The following RSRC1 variants were observed in gnomAD, a reference collection of about 807,000 sequenced individuals.
RSRC1 encodes the protein serine/Arginine-related protein 53.
In RSRC1, 39 loss-of-function variants were observed where a neutral mutation model predicts 49.1. The observed-to-expected ratio is 0.79, with a 90% confidence interval of 0.61 to 1.04. The LOEUF (loss-of-function observed/expected upper bound fraction) is 1.04, where lower values mean the gene tolerates loss of function less well. RSRC1 is among the 50% of genes least tolerant of loss of function. The pLI, the probability that RSRC1 is intolerant of heterozygous loss-of-function variation, is 0.00. For synonymous variants in RSRC1, 143 were observed against 130.8 expected (o/e 1.09, Z -0.63); for missense variants, 388 against 402.4 (o/e 0.96, Z 0.31).
At chr3:158,394,189 C>T (rs113849803) in intron 6 of RSRC1, among the ~76,000 whole-genome samples, 33,064 of 151,974 alleles carry the variant, frequency 0.22, 4,210 homozygotes, top group Non-Finnish European at 0.29. Flanking sequence ...AAACCCACAG[C>T]CAACATCATA....
intron 3 of RSRC1, among the ~76,000 whole-genome samples, chr3:158,162,829 C>T (rs1718312384): frequency 6.6e-6 from 1 of 151,972 alleles, no homozygotes; most frequent in Admixed American, 6.6e-5. Flanking sequence ...AGGAGTAGGG[C>T]AGTAAAAAGG....
intron 7 of RSRC1, among the ~76,000 whole-genome samples, chr3:158,494,779 A>G (rs1035579167): frequency 6.6e-6 from 1 of 152,176 alleles, no homozygotes; most frequent in South Asian, 2.1e-4. Context: ...CAGGGTCAGA[A>G]TTGTCAATAT....
At chr3:158,153,262 AC>A (rs1488813355) in intron 3 of RSRC1, among the ~76,000 whole-genome samples, 1 of 152,008 alleles carries the variant, frequency 6.6e-6, no homozygotes, top group Non-Finnish European at 1.5e-5. Flanking sequence ...GTGATCTGCA[AC>A]TCTTTCTCTT....
chr3:158,209,637 A>T (rs1460311515), intron 4 of RSRC1, among the ~76,000 whole-genome samples: 1 of 152,112 alleles, frequency 6.6e-6, no homozygotes, highest in Non-Finnish European at 1.5e-5. Flanking sequence ...TTGGATTTTC[A>T]GTAGATGGAT....
chr3:158,313,620 A>G (rs894855371), intron 5 of RSRC1, among the ~76,000 whole-genome samples: 1 of 152,230 alleles, frequency 6.6e-6, no homozygotes, highest in African/African-American at 2.4e-5. Context: ...ACACGTATGA[A>G]AATTTTTTCA....
chr3:158,348,429 A>G (rs1441596300), intron 5 of RSRC1, among the ~76,000 whole-genome samples: 1 of 152,182 alleles, frequency 6.6e-6, no homozygotes, highest in South Asian at 2.1e-4. Context: ...GAATCTAGAT[A>G]TGCAGTAATT....
At chr3:158,201,957 CTTTG>C (rs1721072283) in intron 3 of RSRC1, among the ~76,000 whole-genome samples, 1 of 151,892 alleles carries the variant, frequency 6.6e-6, no homozygotes, top group Non-Finnish European at 1.5e-5. Context: ...AAAAATGTAC[CTTTG>C]TTTATTTTTT....
chr3:158,515,522 G>C (rs1236314522), intron 7 of RSRC1, among the ~76,000 whole-genome samples: 2 of 136,452 alleles, frequency 1.5e-5, no homozygotes, highest in East Asian at 4.0e-4. Context: ...CTCTCTGGCT[G>C]CCCTTAACAT....
At chr3:158,542,076 T>C (rs1189458378) in intron 8 of RSRC1, among the ~76,000 whole-genome samples, 1 of 152,066 alleles carries the variant, frequency 6.6e-6, no homozygotes, top group African/African-American at 2.4e-5. Context: ...TTTCAAACTT[T>C]TATATATATA....
At chr3:158,506,736 T>G (rs1455562136) in intron 7 of RSRC1, among the ~76,000 whole-genome samples, 1 of 151,594 alleles carries the variant, frequency 6.6e-6, no homozygotes, top group Non-Finnish European at 1.5e-5. Flanking sequence ...GAATGTAAAG[T>G]ATATAGCCAC....
rs144530990 is a variant in RSRC1, at chr3:158,165,518, T to C, written c.321-37554T>C. 4.4e-3 allele frequency among the ~76,000 whole-genome samples: 665 copies of C among 152,370 alleles called. 3 individuals carry two copies. Among genetic ancestry groups the C allele is most frequent in the Non-Finnish European group, 7.5e-3 (509 of 68,032 alleles). On this transcript the variant is annotated intron_variant, in intron 3 of 9. Coordinates refer to ENST00000611884, the MANE Select transcript of RSRC1 (RefSeq NM_001271838.2). ...ACTATCCTTGGGGCCATGTGATAGA[T>C]GGAAAAAGCTTCAACTACATGCTGG...
Position 158,537,184 on chromosome 3 carries a change from A to T in RSRC1, c.745A>T (p.Lys249Ter). The T allele has an allele frequency of 6.3e-7, 1 of 1,582,384 alleles. No individual in the cohort carries two copies. The highest frequency in any genetic ancestry group is 8.6e-7 in the Non-Finnish European group (1 of 1,166,592). Reference sequence around the variant, plus strand: ...TGTTCAGCAGACATTCAGATCAAGTAAAGAAGTCAAAAAGGTAAGTTTTTA... The same window carrying T: ...TGTTCAGCAGACATTCAGATCAAGTTAAGAAGTCAAAAAGGTAAGTTTTTA... Reference protein sequence around the residue: ...SFVQQTFRSSKEVKKSVEPSE... With the variant: ...SFVQQTFRSS The change falls in exon 8 of 10, where the codon AAA becomes TAA. Residue 249 changes from lysine to a stop codon, truncating the protein, a stop_gained. Transcript: ENST00000611884. LOFTEE classifies it high-confidence loss of function.
At chr3:158,285,700 T>G (rs578192210) in intron 4 of RSRC1, among the ~76,000 whole-genome samples, 54 of 152,252 alleles carry the variant, frequency 3.5e-4, no homozygotes, top group African/African-American at 1.1e-3. Flanking sequence ...GTTTGTCTGT[T>G]ATTGGTGTAT....
chr3:158,330,982 G>A (rs1729509468), intron 5 of RSRC1, among the ~76,000 whole-genome samples: 1 of 152,004 alleles, frequency 6.6e-6, no homozygotes, highest in Non-Finnish European at 1.5e-5. Flanking sequence ...GCAAAGTCAT[G>A]TCTCACATGG....
At chr3:158,257,826 C>G (rs972338375) in intron 4 of RSRC1, among the ~76,000 whole-genome samples, 3 of 151,790 alleles carry the variant, frequency 2.0e-5, no homozygotes, top group African/African-American at 7.3e-5. Flanking sequence ...TTGAGGTTAC[C>G]ATGAGGCTTG....
chr3:158,228,526 C>G (rs116196292), intron 4 of RSRC1, among the ~76,000 whole-genome samples: 1 of 151,638 alleles, frequency 6.6e-6, no homozygotes, highest in Non-Finnish European at 1.5e-5. Flanking sequence ...TTTTTAGATC[C>G]CATATCATAA....
chr3:158,295,856 A>T (rs1371804021), intron 4 of RSRC1, among the ~76,000 whole-genome samples: 1 of 152,180 alleles, frequency 6.6e-6, no homozygotes, highest in Non-Finnish European at 1.5e-5. Context: ...AAATTAAGTG[A>T]TTTTCCCTAA....
At chr3:158,195,032 C>T (rs962457823) in intron 3 of RSRC1, among the ~76,000 whole-genome samples, 4 of 152,146 alleles carry the variant, frequency 2.6e-5, no homozygotes, top group African/African-American at 9.7e-5. Flanking sequence ...ATGGCTGGGT[C>T]ATATGGTATT....
intron 4 of RSRC1, among the ~76,000 whole-genome samples, chr3:158,210,439 C>T (rs988115681): frequency 8.5e-5 from 12 of 141,766 alleles, no homozygotes; most frequent in African/African-American, 2.1e-4. Context: ...AGCAGTATAT[C>T]GAAAGTATAC....
Sources: gnomAD v4.1 joint callset for allele counts (sites outside exome capture counted in the v4.1 genomes callset) on GRCh38, gnomAD v4.1.1 for gene constraint, MANE v1.5 for transcripts, NCBI Gene and HGNC (gene_info 2026-07-23, HGNC 2026-07-21) for gene names.